Variants in NCALD observed in about 807,000 individuals in gnomAD.
The protein encoded by NCALD is neurocalcin-delta.
Under a neutral mutation model 18.6 loss-of-function variants are expected in NCALD, and 10 were observed. The ratio of observed to expected loss-of-function variants is 0.54; its 90% CI spans 0.33 to 0.91. The LOEUF is 0.91. NCALD is among the 40% of genes least tolerant of loss of function. NCALD has a pLI of 0.03. For missense variants in NCALD, 184 were observed against 247.6 expected, an observed-to-expected ratio of 0.74 and a Z score of 1.72; for synonymous variants, 88 against 87.4, an observed-to-expected ratio of 1.01 and a Z score of -0.04.
At chr8:101,898,933 T>C (rs550588345) in intron 3 of NCALD, among the ~76,000 whole-genome samples, 1 of 152,246 alleles carries the variant, frequency 6.6e-6, no homozygotes, top group African/African-American at 2.4e-5. Flanking sequence ...GGAATTTTTA[T>C]AAGAATTTCA....
At chr8:101,916,951 C>G (rs1391896052) in intron 2 of NCALD, among the ~76,000 whole-genome samples, 1 of 151,902 alleles carries the variant, frequency 6.6e-6, no homozygotes, top group East Asian at 1.9e-4. Flanking sequence ...AGGCAGAAAA[C>G]TAATAAAGAA....
chr8:101,731,224 T>A (rs936977493), intron 1 of NCALD, among the ~76,000 whole-genome samples: 2 of 152,228 alleles, frequency 1.3e-5, no homozygotes, highest in South Asian at 4.2e-4. Context: ...ATGAAGGAGA[T>A]GACGTCAGCA....
intron 4 of NCALD, among the ~76,000 whole-genome samples, chr8:101,868,344 C>T (rs1397114344): frequency 6.6e-6 from 1 of 152,120 alleles, no homozygotes; most frequent in African/African-American, 2.4e-5. Context: ...CCAGGGATCC[C>T]GGAATTCCCT....
intron 3 of NCALD, among the ~76,000 whole-genome samples, chr8:101,903,118 CA>C (rs1379987619): frequency 6.6e-6 from 1 of 151,704 alleles, no homozygotes; most frequent in Non-Finnish European, 1.5e-5. Flanking sequence ...AGTGGGCAGA[CA>C]AATTAACACT....
rs187372382 is a variant in NCALD at position 101,940,619 on chromosome 8, A to G, written c.-156-24761T>C. ...CAGCTGGCACAGCAGGTTTTGGGAA[A>G]CTCAGAGGGCAAACACAGTACAATG... is the stretch of plus-strand genomic sequence containing the variant. On this transcript the variant is annotated intron_variant, in intron 2 of 6. Coordinates refer to the NCALD transcript ENST00000311028. Among the ~76,000 whole-genome samples, 13 of 152,336 alleles carry G rather than the reference A, an allele frequency of 8.5e-5. No individual in the cohort carries two copies. The East Asian group carries it at 2.5e-3, about 29-fold the overall frequency.
chr8:102,081,370 T>G (rs575356226), intron 1 of NCALD, among the ~76,000 whole-genome samples: 2 of 152,232 alleles, frequency 1.3e-5, no homozygotes, highest in African/African-American at 4.8e-5. Flanking sequence ...TGAGTCATTT[T>G]GTTTTCACTG....
intron 1 of NCALD, among the ~76,000 whole-genome samples, chr8:102,066,620 T>C (rs1824016840): frequency 6.6e-6 from 1 of 152,166 alleles, no homozygotes; most frequent in African/African-American, 2.4e-5. Flanking sequence ...GACCTGCCCT[T>C]AGAGAAGAGA....
chr8:102,054,724 T>TATAG (rs57636969), intron 1 of NCALD, among the ~76,000 whole-genome samples: 89,008 of 149,762 alleles, frequency 0.59, 26,964 homozygotes, highest in East Asian at 0.8. Flanking sequence ...ATAGATATCC[T>TATAG]ATAGATAGAT....
chr8:101,947,095 A>C (rs1470096140), intron 2 of NCALD, among the ~76,000 whole-genome samples: 3 of 152,206 alleles, frequency 2.0e-5, no homozygotes, highest in African/African-American at 7.2e-5. Context: ...AGGAGATGGA[A>C]CATGGCTTTA....
At chr8:101,734,973 C>G (rs1002841453) in intron 1 of NCALD, among the ~76,000 whole-genome samples, 2 of 152,022 alleles carry the variant, frequency 1.3e-5, no homozygotes, top group African/African-American at 4.8e-5. Flanking sequence ...CGTAGAACAA[C>G]TGTTGCAGAT....
At chr8:101,969,861 C>T (rs1277990732) in intron 2 of NCALD, among the ~76,000 whole-genome samples, 2 of 152,202 alleles carry the variant, frequency 1.3e-5, no homozygotes, top group Admixed American at 6.5e-5. Flanking sequence ...GCAGGCCAGA[C>T]AGGCCCAAGC....
intron 2 of NCALD, among the ~76,000 whole-genome samples, chr8:102,001,461 TG>T (rs1438053967): frequency 6.6e-6 from 1 of 152,236 alleles, no homozygotes; most frequent in African/African-American, 2.4e-5. Context: ...TGCAGGATAT[TG>T]TCCAGGAGAA....
At chr8:101,935,935 C>T (rs1006372542) in intron 2 of NCALD, among the ~76,000 whole-genome samples, 2 of 151,910 alleles carry the variant, frequency 1.3e-5, no homozygotes, top group Non-Finnish European at 2.9e-5. Context: ...AGATGAGATG[C>T]GGAGCACACG....
intron 4 of NCALD, among the ~76,000 whole-genome samples, chr8:101,879,999 C>T (rs982438420): frequency 3.0e-5 from 4 of 132,872 alleles, no homozygotes; most frequent in South Asian, 5.2e-4. Context: ...AGCCCTTGGG[C>T]GGTGGATGGG....
intron 2 of NCALD, among the ~76,000 whole-genome samples, chr8:101,980,427 C>T (rs1371625716): frequency 6.6e-6 from 1 of 152,120 alleles, no homozygotes; most frequent in Non-Finnish European, 1.5e-5. Context: ...AGAGGGGCTG[C>T]AGGTTTTTAA....
intron 1 of NCALD, among the ~76,000 whole-genome samples, chr8:101,719,921 G>C (rs921349151): frequency 6.6e-6 from 1 of 152,214 alleles, no homozygotes; most frequent in Non-Finnish European, 1.5e-5. Context: ...GGTTCAGAGA[G>C]AGCGTGAGGT....
Position 102,008,917 on chromosome 8 carries a change from T to TACACACACACAC in NCALD, c.-157+11308_-157+11319dup, listed in dbSNP as rs761346653. Among the ~76,000 whole-genome samples the TACACACACACAC allele has an allele frequency of 4.6e-3, 177 of 38,542 alleles. 1 individual carries two copies. Among genetic ancestry groups the TACACACACACAC allele is most frequent in the African/African-American group, 0.016 (122 of 7,836 alleles). 25.3% of individuals were successfully genotyped at this position (38,542 alleles called of 152,430 possible). ...ACCCCCACCTCCACCCCCGCCCCCC[T>TACACACACACAC]ACACACACACACACACACACACACA... On this transcript the variant is annotated intron_variant, in intron 2 of 6. Transcript: ENST00000311028.
chr8:102,021,730 T>C (rs1822281323), intron 1 of NCALD, among the ~76,000 whole-genome samples: 1 of 152,174 alleles, frequency 6.6e-6, no homozygotes, highest in Non-Finnish European at 1.5e-5. Flanking sequence ...AACTACTTTT[T>C]TGTCCTATTA....
intron 1 of NCALD, among the ~76,000 whole-genome samples, chr8:101,772,937 G>A (rs964408901): frequency 4.6e-5 from 7 of 152,124 alleles, no homozygotes; most frequent in Admixed American, 1.3e-4. Flanking sequence ...AAAGGGGTAG[G>A]AGTAGACCCT....
Sources: allele counts gnomAD v4.1 joint callset (sites outside exome capture counted in the v4.1 genomes callset), GRCh38; gene constraint gnomAD v4.1.1; transcripts MANE v1.5; gene names NCBI Gene and HGNC (gene_info 2026-07-23, HGNC 2026-07-21).